The following MAP4K3 variants were observed in gnomAD, a reference collection of about 807,000 sequenced individuals.
The protein encoded by MAP4K3 is mitogen-activated protein kinase kinase kinase kinase 3.
A neutral mutation model predicts 143.5 loss-of-function variants in MAP4K3; 94 were observed. That is an observed-to-expected ratio of 0.65 (90% CI 0.55 to 0.78). MAP4K3 has a LOEUF of 0.78. MAP4K3 is among the 30% of genes least tolerant of loss of function. The pLI, the probability that MAP4K3 is intolerant of heterozygous loss-of-function variation, is 0.00. For missense variants in MAP4K3, 1,077 were observed against 1,068.1 expected (o/e 1.01, Z -0.12); for synonymous variants, 416 against 347.2 (o/e 1.20, Z -2.20).
chr2:39,267,430 T>A, intron 26 of MAP4K3, 183 bp from the exon 27 acceptor site: 1 of 542,348 alleles, frequency 1.8e-6, no homozygotes, highest in Non-Finnish European at 3.3e-6. Flanking sequence ...CCCAGCACTT[T>A]GGGAGGCCGA....
chr2:39,402,791 G>A (rs1666983809), intron 1 of MAP4K3, among the ~76,000 whole-genome samples: 1 of 144,986 alleles, frequency 6.9e-6, no homozygotes, highest in South Asian at 2.2e-4. Flanking sequence ...CAGAAAAAAA[G>A]ACAGGCCAAA....
chr2:39,356,375 G>A, intron 2 of MAP4K3, 36 bp from the exon 3 acceptor site: 1 of 1,197,534 alleles, frequency 8.4e-7, no homozygotes, highest in Non-Finnish European at 1.2e-6. Flanking sequence ...ATATTTAGAG[G>A]TAAGTTTCAA....
At chr2:39,376,147 T>G (rs1218480296) in intron 2 of MAP4K3, among the ~76,000 whole-genome samples, 1 of 152,226 alleles carries the variant, frequency 6.6e-6, no homozygotes, top group Non-Finnish European at 1.5e-5. Context: ...CCAAAGTGGT[T>G]GCACCATTTT....
rs150401154 is a variant in MAP4K3 at position 39,353,736 on chromosome 2, TAGC to T, written c.245+2510_245+2512del. ...TTAAAAAGTTAAGAAGTAGTAGTAG[TAGC>T]AGCAGCAGCAGCAGCAGCAGCAGCA... is the stretch of plus-strand genomic sequence containing the variant. On this transcript the variant is annotated intron_variant, in intron 3 of 33. Coordinates refer to ENST00000263881, the MANE Select transcript of MAP4K3 (RefSeq NM_003618.4). Among the ~76,000 whole-genome samples the T allele has an allele frequency of 7.2e-3, 1,088 of 151,264 alleles. 8 individuals carry two copies. Among genetic ancestry groups the T allele is most frequent in the African/African-American group, 0.016 (650 of 40,980 alleles).
intron 27 of MAP4K3, among the ~76,000 whole-genome samples, chr2:39,266,632 T>A (rs1348500786): frequency 6.6e-6 from 1 of 152,116 alleles, no homozygotes; most frequent in African/African-American, 2.4e-5. Flanking sequence ...ATGTTTAGAG[T>A]CCTTTCCACA....
intron 29 of MAP4K3, 144 bp downstream of exon 29, chr2:39,260,462 G>A (rs1408789976): frequency 5.9e-6 from 4 of 680,300 alleles, no homozygotes; most frequent in Non-Finnish European, 9.7e-6. Flanking sequence ...TTTAAAGAGA[G>A]TAATCTTCCC....
At position 39,369,706 on chromosome 2, in the gene MAP4K3, C is replaced by T. The variant is rs1281112609; in HGVS notation, c.154+8360G>A. Among the ~76,000 whole-genome samples the T allele has an allele frequency of 4.6e-5, 7 of 152,312 alleles. No individual in the cohort carries two copies. In the East Asian group the frequency reaches 1.2e-3, roughly 25 times the overall value. On this transcript the variant is annotated intron_variant, in intron 2 of 33. Transcript: ENST00000263881. ...CTTCCTTATCCCAAGGGAAGTGGAACTCACAGCTTCTATGGAACCCACCAA... is the reference window on the plus strand; with the variant it reads ...CTTCCTTATCCCAAGGGAAGTGGAATTCACAGCTTCTATGGAACCCACCAA...
At chr2:39,410,227 T>C (rs1166123209) in intron 1 of MAP4K3, among the ~76,000 whole-genome samples, 1 of 151,822 alleles carries the variant, frequency 6.6e-6, no homozygotes. Context: ...AACAGGCCAC[T>C]GCATCATCTA....
At chr2:39,285,070 T>C (rs767787572) in intron 21 of MAP4K3, among the ~76,000 whole-genome samples, 25 of 151,934 alleles carry the variant, frequency 1.6e-4, no homozygotes, top group Non-Finnish European at 5.9e-5. Context: ...ATTTTTATTT[T>C]TTGTAGAGAC....
chr2:39,370,429 C>T (rs189388246), intron 2 of MAP4K3, among the ~76,000 whole-genome samples: 2 of 152,198 alleles, frequency 1.3e-5, no homozygotes, highest in Admixed American at 1.3e-4. Context: ...AAATCATATC[C>T]CCAATGTTTC....
chr2:39,434,526 T>G (rs984569802), intron 1 of MAP4K3, among the ~76,000 whole-genome samples: 1 of 109,052 alleles, frequency 9.2e-6, no homozygotes, highest in Non-Finnish European at 2.1e-5. Flanking sequence ...TTCCAACTAC[T>G]ACTTAAAGAT....
intron 1 of MAP4K3, among the ~76,000 whole-genome samples, chr2:39,392,395 C>G (rs1170295901): frequency 1.3e-5 from 2 of 152,180 alleles, no homozygotes; most frequent in South Asian, 4.2e-4. Flanking sequence ...TCTGCTAACT[C>G]AATATTGCCT....
intron 2 of MAP4K3, among the ~76,000 whole-genome samples, chr2:39,371,336 A>T (rs1210895111): frequency 1.3e-5 from 2 of 152,200 alleles, no homozygotes; most frequent in East Asian, 1.9e-4. Flanking sequence ...CTTTGTCCTT[A>T]TAAGCAACAA....
chr2:39,435,276 A>G (rs756856660), intron 1 of MAP4K3, among the ~76,000 whole-genome samples: 4 of 152,086 alleles, frequency 2.6e-5, no homozygotes, highest in Non-Finnish European at 4.4e-5. Flanking sequence ...ACCTAAATCT[A>G]ATGTCACTCC....
chr2:39,432,077 T>C (rs915618987), intron 1 of MAP4K3, among the ~76,000 whole-genome samples: 4 of 152,250 alleles, frequency 2.6e-5, no homozygotes, highest in Admixed American at 1.3e-4. Context: ...ACACATTTTA[T>C]GTTCCTGTAA....
rs918939684 is a variant in MAP4K3, at chr2:39,391,219, C to T, written c.97-13096G>A. On this transcript the variant is annotated intron_variant, in intron 1 of 33. Coordinates refer to ENST00000263881, the MANE Select transcript of MAP4K3 (RefSeq NM_003618.4). ...AAAAAACACACAAAAATTAGCCGGGCGTGGTGGCGGGTGCCTGTAGTCTCA... is the reference window on the plus strand; with the variant it reads ...AAAAAACACACAAAAATTAGCCGGGTGTGGTGGCGGGTGCCTGTAGTCTCA... Among the ~76,000 whole-genome samples, 11 of 151,494 alleles carry T rather than the reference C, an allele frequency of 7.3e-5. No individual in the cohort carries two copies. In the East Asian group the frequency reaches 1.7e-3, roughly 24 times the overall value.
intron 2 of MAP4K3, among the ~76,000 whole-genome samples, chr2:39,374,337 G>C (rs572007290): frequency 6.6e-6 from 1 of 152,160 alleles, no homozygotes; most frequent in South Asian, 2.1e-4. Flanking sequence ...CACTGCCTGG[G>C]TGACAGAGCG....
chr2:39,355,277 C>G (rs1428908781), intron 3 of MAP4K3, among the ~76,000 whole-genome samples: 3 of 145,314 alleles, frequency 2.1e-5, no homozygotes, highest in Non-Finnish European at 4.5e-5. Context: ...AGGGGAATCA[C>G]TTGAACCCGG....
chr2:39,257,228 C>T (rs887692419), intron 31 of MAP4K3, among the ~76,000 whole-genome samples: 3 of 152,132 alleles, frequency 2.0e-5, no homozygotes, highest in East Asian at 3.9e-4. Flanking sequence ...TTCATTTTCC[C>T]AGCACTATCC....
Sources: allele counts gnomAD v4.1 joint callset (sites outside exome capture counted in the v4.1 genomes callset), GRCh38; gene constraint gnomAD v4.1.1; transcripts MANE v1.5; gene names NCBI Gene and HGNC (gene_info 2026-07-23, HGNC 2026-07-21).